The following RGL1 variants were observed in gnomAD, a reference collection of about 807,000 sequenced individuals.
RGL1 encodes the protein ral guanine nucleotide dissociation stimulator-like 1.
Under a neutral mutation model 95.2 loss-of-function variants are expected in RGL1, and 24 were observed. The ratio of observed to expected loss-of-function variants is 0.25; its 90% CI spans 0.18 to 0.35. The LOEUF is 0.35. RGL1 is among the 10% of genes least tolerant of loss of function. The pLI is 1.00. For synonymous variants in RGL1, 329 were observed against 344.9 expected (o/e 0.95, Z 0.51); for missense variants, 715 against 936.3 (o/e 0.76, Z 3.08).
At chr1:183,680,278 T>C (rs1653122328) in intron 1 of RGL1, among the ~76,000 whole-genome samples, 1 of 152,214 alleles carries the variant, frequency 6.6e-6, no homozygotes, top group Non-Finnish European at 1.5e-5. Context: ...GTTTTAGTCA[T>C]GAAGTCTTTT....
rs778365419 is a variant in RGL1, at chr1:183,806,401, G to C, written c.54G>C (p.Glu18Asp). The stretch of plus-strand genomic sequence containing the variant: ...GCTCGATTCAGGACTGGGGTGAAGA[G>C]GTAGAGGAAGGAGCTGTTTACCATG... ...KMSSIQDWGE[E>D]VEEGAVYHVT... Residue 18 changes from glutamate to aspartate, a missense_variant, in exon 2 of 18, where the codon GAG (glutamate) becomes GAC (aspartate). This residue lies in a region of RGL1 where 381 missense variants were observed against 484.8 expected (regional missense o/e 0.79). Coordinates refer to ENST00000360851, the MANE Select transcript of RGL1 (RefSeq NM_001297671.3). The C allele has an allele frequency of 1.9e-6, 3 of 1,613,996 alleles. No homozygotes were observed. The highest frequency in any genetic ancestry group is 1.7e-6 in the Non-Finnish European group (2 of 1,179,972).
chr1:183,802,003 AG>A (rs1332696061), upstream of RGL1, among the ~76,000 whole-genome samples: 1 of 152,202 alleles, frequency 6.6e-6, no homozygotes, highest in African/African-American at 2.4e-5. Context: ...TAAGATTATG[AG>A]GGGTCAAACA....
intron 1 of RGL1, among the ~76,000 whole-genome samples, chr1:183,679,921 G>A (rs944725364): frequency 3.3e-5 from 5 of 152,186 alleles, no homozygotes; most frequent in Non-Finnish European, 7.3e-5. Context: ...ACTGGTGTGA[G>A]ATGGTATCTC....
At chr1:183,827,836 T>C (rs1302836646) in intron 2 of RGL1, among the ~76,000 whole-genome samples, 1 of 152,248 alleles carries the variant, frequency 6.6e-6, no homozygotes, top group African/African-American at 2.4e-5. Context: ...AACTTTTTAA[T>C]GTGAAGGGAA....
intron 2 of RGL1, among the ~76,000 whole-genome samples, chr1:183,753,538 G>T (rs571952228): frequency 1.4e-4 from 21 of 152,170 alleles, no homozygotes; most frequent in South Asian, 4.1e-4. Context: ...TGTTTGTTTT[G>T]GTTTTCTATG....
At chr1:183,746,408 C>T (rs1391387369) in intron 2 of RGL1, among the ~76,000 whole-genome samples, 2 of 151,746 alleles carry the variant, frequency 1.3e-5, no homozygotes, top group African/African-American at 4.8e-5. Flanking sequence ...TCTTTGGTGA[C>T]TCACTTCTTT....
intron 3 of RGL1, among the ~76,000 whole-genome samples, chr1:183,849,658 T>C (rs1039910472): frequency 6.6e-6 from 1 of 151,830 alleles, no homozygotes; most frequent in African/African-American, 2.4e-5. Context: ...ACCCAGCTAA[T>C]TTTTGTATTT....
In RGL1 at chr1:183,916,474, T is replaced by C. The variant is rs1668977420; in HGVS notation, c.1777T>C (p.Ser593Pro). ...KLSESSSSCS[S>P]IHSMDTNSSG... ...CTCTGAGTCCTCCTCATCCTGTTCT[T>C]CTATCCATTCCATGGACACAAATTC... The change falls in exon 16 of 18, where the codon TCT (serine) becomes CCT (proline). Residue 593 changes from serine to proline, a missense_variant. Transcript: ENST00000360851. The C allele has an allele frequency of 3.7e-6, 6 of 1,614,110 alleles. No individual in the cohort carries two copies. Among genetic ancestry groups the C allele is most frequent in the Non-Finnish European group, 5.1e-6 (6 of 1,180,002 alleles).
intron 2 of RGL1, among the ~76,000 whole-genome samples, chr1:183,831,725 CAT>C (rs1227667888): frequency 1.3e-5 from 2 of 152,104 alleles, no homozygotes; most frequent in Non-Finnish European, 1.5e-5. Context: ...ACATTAGAAA[CAT>C]ATCCATTTAA....
At chr1:183,908,542 G>T (rs147098331) in intron 14 of RGL1, among the ~76,000 whole-genome samples, 309 of 152,332 alleles carry the variant, frequency 2.0e-3, no homozygotes, top group African/African-American at 7.0e-3. Flanking sequence ...AGCTCTTGAG[G>T]AGAATTTTTC....
intron 2 of RGL1, among the ~76,000 whole-genome samples, chr1:183,835,642 C>T (rs1663595529): frequency 6.6e-6 from 1 of 152,076 alleles, no homozygotes; most frequent in African/African-American, 2.4e-5. Context: ...TATTTTTTGT[C>T]TTTAGGTGTT....
intron 2 of RGL1, among the ~76,000 whole-genome samples, chr1:183,744,517 T>TG (rs1316405575): frequency 1.3e-5 from 2 of 152,206 alleles, no homozygotes; most frequent in African/African-American, 4.8e-5. Context: ...CTAGGCTTGA[T>TG]GCTTGTCTCA....
At chr1:183,882,123 C>G (rs1666857183) in intron 5 of RGL1, among the ~76,000 whole-genome samples, 1 of 152,260 alleles carries the variant, frequency 6.6e-6, no homozygotes, top group Non-Finnish European at 1.5e-5. Flanking sequence ...GAAGCAAGCT[C>G]TCCTATATGT....
At chr1:183,700,148 T>C (rs1403089263) in intron 1 of RGL1, among the ~76,000 whole-genome samples, 1 of 152,130 alleles carries the variant, frequency 6.6e-6, no homozygotes, top group African/African-American at 2.4e-5. Flanking sequence ...GACAAAGTAA[T>C]AGGGAATTGC....
chr1:183,898,782 C>T (rs764010518), intron 10 of RGL1, among the ~76,000 whole-genome samples: 2 of 152,202 alleles, frequency 1.3e-5, no homozygotes, highest in Non-Finnish European at 2.9e-5. Context: ...GGACACACTG[C>T]AGCTGACAGT....
At chr1:183,898,855 G>A (rs1667854785) in intron 10 of RGL1, among the ~76,000 whole-genome samples, 1 of 152,210 alleles carries the variant, frequency 6.6e-6, no homozygotes, top group Non-Finnish European at 1.5e-5. Context: ...GGCTGAGGAA[G>A]CAGCCAGCCT....
chr1:183,807,118 A>C (rs1424372763), intron 2 of RGL1, among the ~76,000 whole-genome samples: 1 of 152,206 alleles, frequency 6.6e-6, no homozygotes, highest in East Asian at 1.9e-4. Context: ...GGGTGAGGTC[A>C]TGCAAGTTTG....
intron 2 of RGL1, among the ~76,000 whole-genome samples, chr1:183,790,189 A>G (rs1048949110): frequency 1.3e-5 from 2 of 151,988 alleles, no homozygotes; most frequent in Non-Finnish European, 2.9e-5. Flanking sequence ...AGCCTCCCAA[A>G]GTGTTGGGAT....
chr1:183,730,901 G>A (rs999114086), intron 1 of RGL1, among the ~76,000 whole-genome samples: 3 of 152,008 alleles, frequency 2.0e-5, no homozygotes, highest in African/African-American at 4.8e-5. Context: ...AACAAGCCTC[G>A]AATTCCTTTT....
Sources: allele counts gnomAD v4.1 joint callset (sites outside exome capture counted in the v4.1 genomes callset), GRCh38; gene constraint gnomAD v4.1.1; regional missense constraint gnomAD v4.1.1; transcripts MANE v1.5; gene names NCBI Gene and HGNC (gene_info 2026-07-23, HGNC 2026-07-21).